The following SHC3 variants were observed in gnomAD, a reference collection of about 807,000 sequenced individuals.
The protein encoded by SHC3 is SHC adaptor protein 3.
In SHC3, 15 loss-of-function variants were observed where a neutral mutation model predicts 60.4. The ratio of observed to expected loss-of-function variants is 0.25; its 90% confidence interval spans 0.17 to 0.38. The LOEUF (loss-of-function observed/expected upper bound fraction) is 0.38, where lower values mean the gene tolerates loss of function less well. Ranked by LOEUF, SHC3 falls within the 10% of genes least tolerant of loss-of-function variation. The probability of loss-of-function intolerance (pLI) is 1.00; values close to 1 mark genes in which losing one functional copy is unlikely to be tolerated. For missense variants in SHC3, 677 were observed against 786.1 expected (o/e 0.86, Z 1.66); for synonymous variants, 294 against 325.9 (o/e 0.90, Z 1.05).
At position 89,053,832 on chromosome 9, in the gene SHC3, C is replaced by T. The variant is rs544362347; in HGVS notation, c.836-1669G>A. On this transcript the variant is annotated intron_variant, in intron 6 of 11. Transcript: ENST00000375835. Reference sequence around the variant, plus strand: ...TGCAGGTCACTGACTGATACAAATGCAACCATCTTTCCAGCTAAGAAGGAA... The same window carrying T: ...TGCAGGTCACTGACTGATACAAATGTAACCATCTTTCCAGCTAAGAAGGAA... 9.1e-4 allele frequency among the ~76,000 whole-genome samples: 138 copies of T among 152,294 alleles called. 2 individuals are homozygous for T. Among genetic ancestry groups the T allele is most frequent in the South Asian group, 6.2e-4 (3 of 4,824 alleles).
chr9:89,090,681 G>T (rs1211242958), intron 2 of SHC3, among the ~76,000 whole-genome samples: 2 of 152,150 alleles, frequency 1.3e-5, no homozygotes, highest in Non-Finnish European at 2.9e-5. Context: ...GGTGCACCAG[G>T]GTGCAGCCAC....
chr9:89,080,757 ATG>A lies in SHC3; in HGVS notation c.546-2856_546-2855del, dbSNP rs1270066829. Among the ~76,000 whole-genome samples the A allele has an allele frequency of 4.1e-5, 5 of 122,390 alleles. No individual in the cohort carries two copies. In the East Asian group the frequency reaches 1.0e-3, roughly 25 times the overall value. 80.3% of individuals were successfully genotyped at this position (122,390 alleles called of 152,430 possible). ...AGAATATATATATATATATATATAT[ATG>A]TATGTATACTTTTTTTTTTTTTTTT... On this transcript the variant is annotated intron_variant, in intron 2 of 11. Coordinates refer to ENST00000375835, the MANE Select transcript of SHC3 (RefSeq NM_016848.6).
intron 1 of SHC3, among the ~76,000 whole-genome samples, chr9:89,133,277 A>T (rs1182431270): frequency 1.3e-5 from 2 of 152,178 alleles, no homozygotes; most frequent in South Asian, 2.1e-4. Flanking sequence ...GCTAGAGAGG[A>T]TGTGGAGAAA....
chr9:89,172,546 GACACAGACAC>G (rs1432094884), intron 1 of SHC3, among the ~76,000 whole-genome samples: 10 of 149,330 alleles, frequency 6.7e-5, no homozygotes, highest in East Asian at 3.9e-4. Context: ...CACACACGAA[GACACAGACAC>G]ACACAGACAC....
chr9:89,141,653 G>A (rs922954286), intron 1 of SHC3, among the ~76,000 whole-genome samples: 4 of 152,076 alleles, frequency 2.6e-5, no homozygotes, highest in South Asian at 4.1e-4. Flanking sequence ...TGTTCTGGCC[G>A]GAGAAAAATA....
At chr9:89,046,075 C>T in intron 8 of SHC3, among the ~76,000 whole-genome samples, 1 of 124,470 alleles carries the variant, frequency 8.0e-6, no homozygotes, top group Non-Finnish European at 1.6e-5. Context: ...TTTTCATTAC[C>T]CCCCCCACCC....
chr9:89,072,876 A>G (rs1195937139), intron 4 of SHC3, among the ~76,000 whole-genome samples: 3 of 152,202 alleles, frequency 2.0e-5, no homozygotes, highest in Non-Finnish European at 4.4e-5. Context: ...GAAATAAAAT[A>G]TAATTGAATT....
At chr9:89,026,030 G>A (rs1826291968) in intron 11 of SHC3, among the ~76,000 whole-genome samples, 1 of 152,130 alleles carries the variant, frequency 6.6e-6, no homozygotes, top group South Asian at 2.1e-4. Flanking sequence ...GACCACCTGA[G>A]GTCAGGAGTT....
chr9:89,178,670 C>G lies in SHC3; in HGVS notation c.-210G>C, dbSNP rs1826985983. 1 of 432,540 alleles carries G rather than the reference C, an allele frequency of 2.3e-6. No individual in the cohort carries two copies. The highest frequency in any genetic ancestry group is 3.6e-5 in the East Asian group (1 of 27,674). The allele number at this position is 432,540 out of a possible 1,614,324, so 26.8% of individuals were successfully genotyped here. ...CAGCGGCGGCCGCGCAGCCCCGGCC[C>G]GGGAGACCGCTGCTTGGGGTTGCAC... On this transcript the variant is annotated 5_prime_UTR_variant, in exon 1 of 12. Transcript: ENST00000375835. The surrounding 1 kb of genome is among the most constrained non-coding windows in gnomAD (Gnocchi z 6.9).
At chr9:89,130,014 T>C (rs1359653247) in intron 1 of SHC3, among the ~76,000 whole-genome samples, 2 of 152,144 alleles carry the variant, frequency 1.3e-5, no homozygotes, top group East Asian at 1.9e-4. Context: ...AGGAGACCCA[T>C]CTCTCTTGCA....
At chr9:89,081,439 A>T (rs1825442689) in intron 2 of SHC3, among the ~76,000 whole-genome samples, 1 of 152,152 alleles carries the variant, frequency 6.6e-6, no homozygotes, top group Non-Finnish European at 1.5e-5. Context: ...CACCCTACTC[A>T]GTGCTCCATA....
In SHC3 at chr9:89,020,408, C is replaced by T. The variant is rs558999910; in HGVS notation, c.1657-6833G>A. Among the ~76,000 whole-genome samples, 8 of 152,200 alleles carry T rather than the reference C, an allele frequency of 5.3e-5. No homozygotes were observed. The South Asian group carries it at 6.2e-4, about 12-fold the overall frequency. On this transcript the variant is annotated intron_variant, in intron 11 of 11. Transcript: ENST00000375835. ...TGTGGGGGCCTCTGTGGTCTGTGGA[C>T]AACAGCAGGTCTGACTTGTCATATT...
At chr9:89,109,261 G>A (rs1587732156) in intron 2 of SHC3, 2 of 770,192 alleles carry the variant, frequency 2.6e-6, no homozygotes, top group South Asian at 5.9e-5. Context: ...GAGAGAGGTA[G>A]AGGGGTCGCA....
At chr9:89,070,324 A>G (rs758012940) in intron 5 of SHC3, among the ~76,000 whole-genome samples, 16 of 152,166 alleles carry the variant, frequency 1.1e-4, no homozygotes, top group Non-Finnish European at 2.1e-4. Flanking sequence ...CCGGAGGGTG[A>G]GCCTTCTTCC....
At chr9:89,026,820 G>C (rs545703105) in intron 11 of SHC3, among the ~76,000 whole-genome samples, 1 of 152,226 alleles carries the variant, frequency 6.6e-6, no homozygotes, top group South Asian at 2.1e-4. Context: ...TGCACACCTG[G>C]GCCCTTGGAC....
At chr9:89,119,322 T>C (rs1262791258) in intron 1 of SHC3, among the ~76,000 whole-genome samples, 5 of 152,054 alleles carry the variant, frequency 3.3e-5, no homozygotes, top group African/African-American at 9.7e-5. Context: ...ACATCAGTAA[T>C]AGTTCCCAAT....
intron 7 of SHC3, among the ~76,000 whole-genome samples, chr9:89,051,140 A>G (rs985649315): frequency 3.3e-5 from 5 of 152,218 alleles, no homozygotes; most frequent in Non-Finnish European, 5.9e-5. Context: ...GAACAAAGGT[A>G]GAGTCTGACT....
chr9:89,141,250 G>A (rs1300807800), intron 1 of SHC3, among the ~76,000 whole-genome samples: 2 of 152,190 alleles, frequency 1.3e-5, no homozygotes, highest in Non-Finnish European at 2.9e-5. Flanking sequence ...AAGCTCCCAA[G>A]GACATAACTG....
At position 89,178,015 on chromosome 9, in the gene SHC3, A is replaced by G; in HGVS notation, c.446T>C (p.Leu149Pro). 1 of 1,235,670 alleles carries G rather than the reference A, an allele frequency of 8.1e-7. No homozygotes were observed. Among genetic ancestry groups the G allele is most frequent in the Non-Finnish European group, 1.0e-6 (1 of 990,446 alleles). The allele number at this position is 1,235,670 out of a possible 1,614,324, so 76.5% of individuals were successfully genotyped here. A position where few individuals can be genotyped will look rare whatever the true frequency, so the allele number is the denominator to read the frequency against. ...RGAPHASDQV[L>P]GPGVTYVVKY... is the part of the protein sequence containing the mutation. ...GACCACGTAGGTGACTCCGGGCCCC[A>G]GCACCTGGTCGCTGGCGTGCGGCGC... The change falls in exon 1 of 12, where the codon CTG becomes CCG. Residue 149 changes from leucine (L) to proline (P), a missense_variant. Transcript: ENST00000375835. The surrounding 1 kb of genome is among the most constrained non-coding windows in gnomAD (Gnocchi z 6.9).
Sources: allele counts gnomAD v4.1 joint callset (sites outside exome capture counted in the v4.1 genomes callset), GRCh38; gene constraint gnomAD v4.1.1; non-coding constraint Gnocchi (gnomAD v3.1); transcripts MANE v1.5; gene names NCBI Gene and HGNC (gene_info 2026-07-23, HGNC 2026-07-21).